The following CRACDL variants were observed in gnomAD, a reference collection of about 807,000 sequenced individuals.
The protein encoded by CRACDL is CRACD-like protein.
A neutral mutation model predicts 70.6 loss-of-function variants in CRACDL; 26 were observed. The ratio of observed to expected loss-of-function variants is 0.37; its 90% CI spans 0.27 to 0.51. The LOEUF (loss-of-function observed/expected upper bound fraction) is 0.51. Among genes scored for constraint, CRACDL ranks in the 20% least tolerant of loss-of-function variants. The pLI, the probability that CRACDL is intolerant of heterozygous loss-of-function variation, is 0.94. For synonymous variants in CRACDL, 618 were observed against 615.2 expected, an observed-to-expected ratio of 1.00 and a Z score of -0.07; for missense variants, 1,283 against 1,376.9, an observed-to-expected ratio of 0.93 and a Z score of 1.08.
At chr2:98,898,705 C>T (rs1434971848) in intron 1 of CRACDL, among the ~76,000 whole-genome samples, 4 of 152,122 alleles carry the variant, frequency 2.6e-5, no homozygotes, top group Non-Finnish European at 4.4e-5. Context: ...AAAACTGAGC[C>T]GTTGTGCGGA....
At chr2:98,908,234 A>G (rs1708462552) in intron 1 of CRACDL, among the ~76,000 whole-genome samples, 1 of 152,230 alleles carries the variant, frequency 6.6e-6, no homozygotes, top group Non-Finnish European at 1.5e-5. Flanking sequence ...AGAACAGAAG[A>G]GCCTAAATGT....
chr2:98,803,209 C>G (rs1347026417), intron 7 of CRACDL, among the ~76,000 whole-genome samples: 1 of 152,038 alleles, frequency 6.6e-6, no homozygotes, highest in Non-Finnish European at 1.5e-5. Context: ...ACCATGTTAG[C>G]CAGGATGGTC....
At chr2:98,855,882 C>T (rs903637619) in intron 1 of CRACDL, among the ~76,000 whole-genome samples, 1 of 151,902 alleles carries the variant, frequency 6.6e-6, no homozygotes, top group Non-Finnish European at 1.5e-5. Context: ...ACAGGAGATT[C>T]GAGTTGGCAC....
At chr2:98,889,319 GAAAGAAAGAAAGAAAGAAAGA>G (rs1707897801) in intron 1 of CRACDL, among the ~76,000 whole-genome samples, 3 of 83,300 alleles carry the variant, frequency 3.6e-5, no homozygotes, top group Non-Finnish European at 2.4e-5. Flanking sequence ...AAGAAAGAAA[GAAAGAAAGAAAGAAAGAAAGA>G]AAGGAAACAG....
intron 6 of CRACDL, among the ~76,000 whole-genome samples, chr2:98,825,927 G>C (rs1427183486): frequency 2.6e-5 from 4 of 152,320 alleles, no homozygotes; most frequent in Non-Finnish European, 4.4e-5. Context: ...ACTGTCTCCA[G>C]CTGAGGCACC....
chr2:98,890,333 C>T (rs1707928633), intron 1 of CRACDL, among the ~76,000 whole-genome samples: 1 of 152,144 alleles, frequency 6.6e-6, no homozygotes, highest in Non-Finnish European at 1.5e-5. Context: ...TCACTACCAA[C>T]ATTACAGAAA....
chr2:98,919,365 T>G (rs531649806), intron 1 of CRACDL, among the ~76,000 whole-genome samples: 1 of 152,342 alleles, frequency 6.6e-6, no homozygotes, highest in African/African-American at 2.4e-5. Context: ...TGCAAACTAA[T>G]TCATATCTCT....
In CRACDL at chr2:98,793,879, A is replaced by G. The variant is rs1249320816; in HGVS notation, c.*653T>C. 6.5e-6 allele frequency: 1 copy of G among 152,692 alleles called. No homozygotes were observed. The highest frequency in any genetic ancestry group is 1.5e-5 in the Non-Finnish European group (1 of 68,056). The allele number at this position is 152,692 out of a possible 1,614,324, so 9.5% of individuals were successfully genotyped here. On this transcript the variant is annotated 3_prime_UTR_variant, in exon 10 of 10. Transcript: ENST00000397899. ...AAACCTTTTATTAAACAGGCAATGC[A>G]TTGTGCAGTGGTTAAAGACACAGAT...
Position 98,822,634 on chromosome 2 carries a change from C to CCTCGGCTCGCTCGGCTCG in CRACDL, c.1638_1639insCGAGCCGAGCGAGCCGAG (p.Glu546_Ala547insArgAlaGluArgAlaGlu), listed in dbSNP as rs769119018. ...GCCCTCTCGGCGCCCGCCGGTGGCG[C>CCTCGGCTCGCTCGGCTCG]CTCGGCTCGCTCGGCCTTGGGGCGC... On this transcript the variant is annotated inframe_insertion, in exon 7 of 10. Coordinates refer to ENST00000397899, the MANE Select transcript of CRACDL (RefSeq NM_207362.3). This position sits in a 1 kb window ranked among gnomAD's most constrained non-coding sequence, Gnocchi z 4.9. The CCTCGGCTCGCTCGGCTCG allele has an allele frequency of 1.5e-6, 2 of 1,365,860 alleles. No homozygotes were observed. The highest frequency in any genetic ancestry group is 3.1e-5 in the African/African-American group (2 of 64,882). The allele number at this position is 1,365,860 out of a possible 1,614,324, so 84.6% of individuals were successfully genotyped here.
rs1167772339 is a variant in CRACDL at position 98,823,322 on chromosome 2, C to T, written c.951G>A (p.Ala317=). The change falls in exon 7 of 10, where the codon GCG becomes GCA. Residue 317 remains alanine (A), a synonymous_variant. Coordinates refer to ENST00000397899, the MANE Select transcript of CRACDL (RefSeq NM_207362.3). The surrounding 1 kb of genome is among the most constrained non-coding windows in gnomAD (Gnocchi z 4.0). ...CCCCCTCCTCCACGCTGGCCGTGAG[C>T]GCGGAGGAGTGCTGCAGGCGGGCGC... ...ARRARLQHSS[A]LTASVEEGGV... 6.8e-7 allele frequency: 1 copy of T among 1,474,354 alleles called. No individual in the cohort carries two copies. Among genetic ancestry groups the T allele is most frequent in the African/African-American group, 1.4e-5 (1 of 70,380 alleles). The allele number at this position is 1,474,354 out of a possible 1,614,324, so 91.3% of individuals were successfully genotyped here.
intron 1 of CRACDL, among the ~76,000 whole-genome samples, chr2:98,894,737 A>C (rs1381540650): frequency 6.6e-6 from 1 of 152,156 alleles, no homozygotes; most frequent in Non-Finnish European, 1.5e-5. Context: ...CAAGTATGTC[A>C]ACAGTTATGA....
At chr2:98,913,744 G>A (rs911465595) in intron 1 of CRACDL, among the ~76,000 whole-genome samples, 4 of 152,214 alleles carry the variant, frequency 2.6e-5, no homozygotes, top group Admixed American at 2.0e-4. Flanking sequence ...TGACCTACAC[G>A]CTCTGAGCCT....
intron 1 of CRACDL, among the ~76,000 whole-genome samples, chr2:98,888,902 G>C (rs1028618848): frequency 1.6e-4 from 25 of 152,180 alleles, no homozygotes; most frequent in African/African-American, 6.0e-4. Flanking sequence ...GGCCAAGGCA[G>C]GTGGATCATG....
chr2:98,827,227 C>A, intron 5 of CRACDL, 58 bp from the exon 6 acceptor site: 1 of 1,230,750 alleles, frequency 8.1e-7, no homozygotes, highest in South Asian at 1.3e-5. Flanking sequence ...GAAATAAGGA[C>A]GACCAACGCA....
chr2:98,894,299 G>A (rs1190132667), intron 1 of CRACDL, among the ~76,000 whole-genome samples: 2 of 152,246 alleles, frequency 1.3e-5, no homozygotes, highest in African/African-American at 4.8e-5. Context: ...TCACCCTGAA[G>A]GAGAGAGATG....
intron 1 of CRACDL, among the ~76,000 whole-genome samples, chr2:98,913,480 C>A (rs1708592418): frequency 6.6e-6 from 1 of 152,026 alleles, no homozygotes; most frequent in South Asian, 2.1e-4. Flanking sequence ...AAGACTGGAG[C>A]CTGTGGGGAG....
chr2:98,895,095 A>G (rs1708084400), intron 1 of CRACDL, among the ~76,000 whole-genome samples: 1 of 152,046 alleles, frequency 6.6e-6, no homozygotes, highest in Non-Finnish European at 1.5e-5. Flanking sequence ...TGGGCAACAG[A>G]GGAGACCCTG....
rs987800227 is a variant in CRACDL at position 98,893,116 on chromosome 2, G to A, written c.-11+42822C>T. Among the ~76,000 whole-genome samples, 4 of 152,264 alleles carry A rather than the reference G, an allele frequency of 2.6e-5. No individual in the cohort carries two copies. In the East Asian group the frequency reaches 5.8e-4, roughly 22 times the overall value. On this transcript the variant is annotated intron_variant, in intron 1 of 9. Coordinates refer to ENST00000397899, the MANE Select transcript of CRACDL (RefSeq NM_207362.3). Reference sequence around the variant, plus strand: ...GCCTCCAGGCACAGCAGCAGGGAGCGGGGCACAGGGAGGGAAATGGGCTCC... The same window carrying A: ...GCCTCCAGGCACAGCAGCAGGGAGCAGGGCACAGGGAGGGAAATGGGCTCC...
intron 2 of CRACDL, among the ~76,000 whole-genome samples, chr2:98,844,118 C>T (rs1706147874): frequency 6.6e-6 from 1 of 152,076 alleles, no homozygotes; most frequent in Non-Finnish European, 1.5e-5. Flanking sequence ...GTCTGTCTTC[C>T]ATAACTGACT....
Sources: gnomAD v4.1 joint callset for allele counts (sites outside exome capture counted in the v4.1 genomes callset) on GRCh38, gnomAD v4.1.1 for gene constraint, Gnocchi (gnomAD v3.1) non-coding constraint, MANE v1.5 for transcripts, NCBI Gene and HGNC (gene_info 2026-07-23, HGNC 2026-07-21) for gene names.